KAZN: variants seen among roughly 807,000 people sequenced by gnomAD.
KAZN encodes the protein kazrin.
Under a neutral mutation model 87.4 loss-of-function variants are expected in KAZN, and 40 were observed. The ratio of observed to expected loss-of-function variants is 0.46; its 90% confidence interval spans 0.36 to 0.60. The LOEUF (loss-of-function observed/expected upper bound fraction) is 0.60. KAZN is among the 20% of genes least tolerant of loss of function. The pLI, the probability that KAZN is intolerant of heterozygous loss-of-function variation, is 0.00. For missense variants in KAZN, 898 were observed against 1,073.9 expected, an observed-to-expected ratio of 0.84 and a Z score of 2.29; for synonymous variants, 466 against 458.3, an observed-to-expected ratio of 1.02 and a Z score of -0.22.
chr1:14,613,878 G>A (rs983643570), intron 1 of KAZN, among the ~76,000 whole-genome samples: 7 of 152,156 alleles, frequency 4.6e-5, no homozygotes, highest in African/African-American at 1.7e-4. Flanking sequence ...GTCTTCTGCC[G>A]ATTTTAAGGG....
chr1:14,138,169 C>T (rs1409510548), intron 1 of KAZN, among the ~76,000 whole-genome samples: 2 of 151,468 alleles, frequency 1.3e-5, no homozygotes, highest in African/African-American at 2.4e-5. Context: ...TGCCCACATC[C>T]AACAAACTAT....
intron 2 of KAZN, among the ~76,000 whole-genome samples, chr1:14,552,764 A>G (rs1673620855): frequency 6.6e-6 from 1 of 152,162 alleles, no homozygotes. Flanking sequence ...TTTATAGACT[A>G]TTTACCATGA....
intron 2 of KAZN, among the ~76,000 whole-genome samples, chr1:14,997,510 G>A (rs1046443796): frequency 6.6e-6 from 1 of 152,140 alleles, no homozygotes; most frequent in Non-Finnish European, 1.5e-5. Context: ...AAAGTGCTGG[G>A]ATTACAGGTG....
intron 2 of KAZN, among the ~76,000 whole-genome samples, chr1:14,546,513 A>C (rs1386328072): frequency 6.6e-6 from 1 of 152,058 alleles, no homozygotes; most frequent in Non-Finnish European, 1.5e-5. Flanking sequence ...ATTGTTTCCT[A>C]AATGTTTCTC....
rs537311520 is a variant in KAZN at position 13,974,651 on chromosome 1, G to A, written c.91+80895G>A. 2.4e-4 allele frequency among the ~76,000 whole-genome samples: 36 copies of A among 152,266 alleles called. No individual in the cohort carries two copies. The South Asian group carries it at 6.8e-3, about 29-fold the overall frequency. ...CTGCCACAAGTCAAGGAATGCCTGG[G>A]GTTGCCAAAAGCTGAAAGAGGCAAG... On this transcript the variant is annotated intron_variant, in intron 1 of 16. Transcript: ENST00000636203.
intron 1 of KAZN, among the ~76,000 whole-genome samples, chr1:14,671,037 A>C (rs1377265369): frequency 2.0e-5 from 3 of 152,184 alleles, no homozygotes; most frequent in Non-Finnish European, 4.4e-5. Context: ...CAGAATTGGA[A>C]TAGTGCTGAG....
chr1:14,268,378 A>G (rs899636751), intron 2 of KAZN, among the ~76,000 whole-genome samples: 3 of 152,292 alleles, frequency 2.0e-5, no homozygotes, highest in Admixed American at 6.5e-5. Flanking sequence ...GGTGAAAGAA[A>G]TCCTCAGAAG....
At chr1:13,933,343 T>G (rs1431553514) in intron 1 of KAZN, among the ~76,000 whole-genome samples, 2 of 152,030 alleles carry the variant, frequency 1.3e-5, no homozygotes, top group Non-Finnish European at 2.9e-5. Context: ...AAATACAAAA[T>G]TAGCCAGGCG....
intron 2 of KAZN, among the ~76,000 whole-genome samples, chr1:15,003,004 GTACACACACACACA>G (rs1257879306): frequency 8.7e-6 from 1 of 114,968 alleles, no homozygotes; most frequent in Non-Finnish European, 1.8e-5. Context: ...AAAAATAAAC[GTACACACACACACA>G]CACACACACA....
chr1:14,998,399 G>C (rs1357386567), intron 2 of KAZN, among the ~76,000 whole-genome samples: 1 of 118,466 alleles, frequency 8.4e-6, no homozygotes, highest in East Asian at 2.2e-4. Flanking sequence ...GAGGCTGTGT[G>C]TATGTGGCGG....
At chr1:14,275,290 T>C (rs1055261133) in intron 2 of KAZN, among the ~76,000 whole-genome samples, 2 of 152,152 alleles carry the variant, frequency 1.3e-5, no homozygotes, top group Non-Finnish European at 2.9e-5. Context: ...AACATCAGTA[T>C]CACCCAGAAA....
chr1:13,917,797 CAAA>C (rs35268955), intron 1 of KAZN, among the ~76,000 whole-genome samples: 6 of 77,938 alleles, frequency 7.7e-5, no homozygotes, highest in African/African-American at 1.1e-4. Context: ...CCTGTGTCAT[CAAA>C]AAAAAAAAAA....
intron 1 of KAZN, among the ~76,000 whole-genome samples, chr1:13,937,408 G>A (rs6676521): frequency 0.54 from 82,706 of 152,078 alleles, 22,828 homozygotes; most frequent in Admixed American, 0.67. Flanking sequence ...TGAGTTCCTT[G>A]TAGATCCTGG....
At chr1:14,314,946 T>C (rs1655553755) in intron 2 of KAZN, among the ~76,000 whole-genome samples, 2 of 152,176 alleles carry the variant, frequency 1.3e-5, no homozygotes, top group African/African-American at 4.8e-5. Flanking sequence ...CTTTTGCATC[T>C]GGCTTTTTCA....
At chr1:14,172,758 G>A (rs1041288349) in intron 1 of KAZN, among the ~76,000 whole-genome samples, 9 of 152,212 alleles carry the variant, frequency 5.9e-5, no homozygotes, top group East Asian at 1.9e-4. Flanking sequence ...CCGTGATGGC[G>A]GATGGCTGGA....
chr1:13,936,096 G>GTTTTTTTTTTGTTTT (rs1640727432), intron 1 of KAZN, among the ~76,000 whole-genome samples: 3 of 84,840 alleles, frequency 3.5e-5, no homozygotes, highest in Non-Finnish European at 6.6e-5. Context: ...TACAAGTGCA[G>GTTTTTTTTTTGTTTT]TTTTTTTTTT....
At chr1:14,081,950 T>C (rs555048038) in intron 1 of KAZN, among the ~76,000 whole-genome samples, 1 of 152,252 alleles carries the variant, frequency 6.6e-6, no homozygotes, top group African/African-American at 2.4e-5. Context: ...TTTTTATTTT[T>C]ATTTTTGTAG....
At chr1:14,033,720 G>C (rs985549187) in intron 1 of KAZN, among the ~76,000 whole-genome samples, 3 of 152,218 alleles carry the variant, frequency 2.0e-5, no homozygotes, top group Non-Finnish European at 2.9e-5. Flanking sequence ...CTATGGTGAA[G>C]TTTAAGTGTT....
intron 1 of KAZN, among the ~76,000 whole-genome samples, chr1:13,930,873 C>T (rs1329247764): frequency 6.6e-6 from 1 of 152,162 alleles, no homozygotes; most frequent in East Asian, 1.9e-4. Flanking sequence ...GAGAACACTC[C>T]AGTGGTCCTT....
Sources: gnomAD v4.1 joint callset for allele counts (sites outside exome capture counted in the v4.1 genomes callset) on GRCh38, gnomAD v4.1.1 for gene constraint, MANE v1.5 for transcripts, NCBI Gene and HGNC (gene_info 2026-07-23, HGNC 2026-07-21) for gene names.